Variants in FRMD4B observed in about 807,000 individuals in gnomAD.
FRMD4B encodes FERM domain-containing protein 4B.
A neutral mutation model predicts 141.5 loss-of-function variants in FRMD4B; 74 were observed. The observed-to-expected ratio is 0.52, with a 90% CI of 0.43 to 0.63. The LOEUF is 0.63. Among genes scored for constraint, FRMD4B ranks in the 30% least tolerant of loss-of-function variants. The pLI, the probability that FRMD4B is intolerant of heterozygous loss-of-function variation, is 0.00. For missense variants in FRMD4B, 1,366 were observed against 1,253.4 expected, an observed-to-expected ratio of 1.09 and a Z score of -1.36; for synonymous variants, 506 against 467.9, an observed-to-expected ratio of 1.08 and a Z score of -1.05.
At chr3:69,368,969 T>G (rs1253150648) in intron 1 of FRMD4B, among the ~76,000 whole-genome samples, 1 of 152,260 alleles carries the variant, frequency 6.6e-6, no homozygotes, top group Non-Finnish European at 1.5e-5. Context: ...CTTGTTTTCT[T>G]CTTTTTAATC....
At chr3:69,349,455 C>T (rs1483551351) in intron 1 of FRMD4B, among the ~76,000 whole-genome samples, 1 of 152,024 alleles carries the variant, frequency 6.6e-6, no homozygotes, top group Non-Finnish European at 1.5e-5. Context: ...ACTTTCTTCA[C>T]AGAATTGGAA....
At chr3:69,495,325 C>A (rs1370059173) in intron 1 of FRMD4B, among the ~76,000 whole-genome samples, 1 of 152,224 alleles carries the variant, frequency 6.6e-6, no homozygotes, top group Non-Finnish European at 1.5e-5. Context: ...CTATTACTTA[C>A]ATTAGCAATC....
chr3:69,302,303 C>T (rs559489120), intron 4 of FRMD4B, 40 bp downstream of exon 4: 1 of 1,072,070 alleles, frequency 9.3e-7, no homozygotes, highest in South Asian at 1.4e-5. Context: ...AAAATAACAG[C>T]AAAAAAAGAG....
rs755669968 is a variant in FRMD4B at position 69,224,715 on chromosome 3, T to A, written c.582-25A>T. 1.1e-5 allele frequency: 12 copies of A among 1,127,916 alleles called. No homozygotes were observed. In the African/African-American group the frequency reaches 1.5e-4, roughly 14 times the overall value. 69.9% of individuals were successfully genotyped at this position (1,127,916 alleles called of 1,614,324 possible). On this transcript the variant is annotated intron_variant, in intron 7 of 22. Transcript: ENST00000398540. The stretch of plus-strand genomic sequence containing the variant: ...ACTAAAAAGAAATGGAATATGGTAA[T>A]GTCAGGTACTGTTATCCAAAAAATT...
intron 1 of FRMD4B, among the ~76,000 whole-genome samples, chr3:69,529,555 C>T (rs916714205): frequency 2.0e-5 from 3 of 152,156 alleles, no homozygotes; most frequent in Non-Finnish European, 4.4e-5. Flanking sequence ...TGCCCACTCT[C>T]TCCTCTCCAC....
chr3:69,312,033 T>C (rs1268318120), intron 2 of FRMD4B, among the ~76,000 whole-genome samples: 1 of 152,170 alleles, frequency 6.6e-6, no homozygotes, highest in Non-Finnish European at 1.5e-5. Context: ...AGCCTAAGCT[T>C]TTCCTTCCTG....
intron 1 of FRMD4B, among the ~76,000 whole-genome samples, chr3:69,468,304 T>C (rs1461516237): frequency 6.6e-6 from 1 of 152,204 alleles, no homozygotes; most frequent in African/African-American, 2.4e-5. Context: ...CCTTTTTCCC[T>C]TTTCATTTAT....
intron 5 of FRMD4B, among the ~76,000 whole-genome samples, chr3:69,258,844 AT>A (rs1038497135): frequency 6.6e-6 from 1 of 151,962 alleles, no homozygotes; most frequent in Non-Finnish European, 1.5e-5. Flanking sequence ...TGAGAAAGTT[AT>A]TTTTTCTGAA....
intron 1 of FRMD4B, among the ~76,000 whole-genome samples, chr3:69,517,380 A>T (rs1269772617): frequency 6.6e-6 from 1 of 152,222 alleles, no homozygotes; most frequent in Non-Finnish European, 1.5e-5. Context: ...CCTTGTGAAA[A>T]AAAGAGCACC....
At chr3:69,249,193 T>C in intron 7 of FRMD4B, 33 bp downstream of exon 7, 5 of 1,391,324 alleles carry the variant, frequency 3.6e-6, no homozygotes, top group Non-Finnish European at 5.0e-6. Context: ...TAGGGTTATT[T>C]TGCATAGTAA....
At chr3:69,303,721 G>A (rs747482312) in intron 3 of FRMD4B, among the ~76,000 whole-genome samples, 11 of 152,118 alleles carry the variant, frequency 7.2e-5, no homozygotes, top group Non-Finnish European at 1.5e-5. Context: ...CTTGAGCCCA[G>A]GAATTTGAGA....
chr3:69,301,243 G>A (rs1305112158), intron 4 of FRMD4B, among the ~76,000 whole-genome samples: 1 of 152,212 alleles, frequency 6.6e-6, no homozygotes, highest in Non-Finnish European at 1.5e-5. Context: ...GAGGGGGTCA[G>A]TACATAAGGA....
intron 1 of FRMD4B, among the ~76,000 whole-genome samples, chr3:69,456,139 C>T (rs1288217320): frequency 6.6e-6 from 1 of 151,706 alleles, no homozygotes; most frequent in Non-Finnish European, 1.5e-5. Context: ...CCCCCAGAGA[C>T]AAAACATCTG....
chr3:69,198,746 A>T lies in FRMD4B; in HGVS notation c.905T>A (p.Leu302Ter). 1 of 1,561,086 alleles carries T rather than the reference A, an allele frequency of 6.4e-7. No individual in the cohort carries two copies. Among genetic ancestry groups the T allele is most frequent in the Non-Finnish European group, 8.7e-7 (1 of 1,143,712 alleles). Reference protein sequence around the residue: ...KLFQWKQLENLYFREKKFAVE... With the variant: ...KLFQWKQLEN Reference sequence around the variant, plus strand: ...AGCAAATTTTTTCTCACGGAAATATAAGTTCTCCAGCTGTTTCCATTGGAA... The same window carrying T: ...AGCAAATTTTTTCTCACGGAAATATTAGTTCTCCAGCTGTTTCCATTGGAA... The change falls in exon 12 of 23, where the codon TTA (leucine) becomes TAA (stop). Residue 302 changes from leucine (L) to a stop codon, truncating the protein, a stop_gained. Transcript: ENST00000398540. LOFTEE classifies it high-confidence loss of function.
intron 2 of FRMD4B, among the ~76,000 whole-genome samples, chr3:69,408,899 T>G (rs1391391344): frequency 6.6e-6 from 1 of 152,154 alleles, no homozygotes; most frequent in Non-Finnish European, 1.5e-5. Context: ...AAACTCAGGT[T>G]TGAAGTCAGA....
chr3:69,516,787 C>T (rs1391780694), intron 1 of FRMD4B, among the ~76,000 whole-genome samples: 1 of 152,174 alleles, frequency 6.6e-6, no homozygotes, highest in Admixed American at 6.5e-5. Flanking sequence ...AATAATTAAT[C>T]ATCAGTGAAA....
intron 2 of FRMD4B, among the ~76,000 whole-genome samples, chr3:69,413,644 G>A (rs1004498477): frequency 2.6e-5 from 4 of 152,096 alleles, no homozygotes; most frequent in African/African-American, 9.7e-5. Context: ...CAAGATGCTT[G>A]AATTAGCAAG....
chr3:69,346,381 A>G (rs1223804841), intron 1 of FRMD4B, among the ~76,000 whole-genome samples: 2 of 152,158 alleles, frequency 1.3e-5, no homozygotes, highest in Non-Finnish European at 2.9e-5. Context: ...TGACGGGGAG[A>G]ATGGAACCAA....
At chr3:69,295,201 T>C (rs80154085) in intron 4 of FRMD4B, among the ~76,000 whole-genome samples, 1 of 152,258 alleles carries the variant, frequency 6.6e-6, no homozygotes, top group Non-Finnish European at 1.5e-5. Flanking sequence ...AGAAGCTACA[T>C]AGTGAGTAAG....
Sources: gnomAD v4.1 joint callset for allele counts (sites outside exome capture counted in the v4.1 genomes callset) on GRCh38, gnomAD v4.1.1 for gene constraint, MANE v1.5 for transcripts, NCBI Gene and HGNC (gene_info 2026-07-23, HGNC 2026-07-21) for gene names.